Variants in MTSS1 observed in about 807,000 individuals in gnomAD.
MTSS1 encodes the protein MTSS I-BAR domain containing 1.
In MTSS1, 18 loss-of-function variants were observed where a neutral mutation model predicts 79.0. That is an observed-to-expected ratio of 0.23 (90% CI 0.16 to 0.34). The LOEUF (loss-of-function observed/expected upper bound fraction) is 0.34. Among genes scored for constraint, MTSS1 ranks in the 10% least tolerant of loss-of-function variants. The pLI, the probability that MTSS1 is intolerant of heterozygous loss-of-function variation, is 1.00. For missense variants in MTSS1, 815 were observed against 986.2 expected, an observed-to-expected ratio of 0.83 and a Z score of 2.33; for synonymous variants, 341 against 368.6, an observed-to-expected ratio of 0.93 and a Z score of 0.86.
rs547519486 is a variant in MTSS1 at position 124,667,943 on chromosome 8, T to C, written c.208+31583A>G. ...AAAAAATTAGCCAGACATGGTGGTG[T>C]GGGCCTGTAGTCCCAGCTACTAGGG... On this transcript the variant is annotated intron_variant, in intron 3 of 13. Coordinates refer to ENST00000518547, the MANE Select transcript of MTSS1 (RefSeq NM_014751.6). Among the ~76,000 whole-genome samples, 488 of 152,092 alleles carry C rather than the reference T, an allele frequency of 3.2e-3. 5 individuals are homozygous for C. The highest frequency in any genetic ancestry group is 0.011 in the African/African-American group (461 of 41,484).
chr8:124,602,629 G>A lies in MTSS1; in HGVS notation c.209-11394C>T, dbSNP rs562328736. Reference sequence around the variant, plus strand: ...GGCAAAACCCAAAAGGCTAGTAGGTGGACAACTATAACCCAGACCAACAAA... The same window carrying A: ...GGCAAAACCCAAAAGGCTAGTAGGTAGACAACTATAACCCAGACCAACAAA... On this transcript the variant is annotated intron_variant, in intron 3 of 13. Transcript: ENST00000518547. 3.0e-4 allele frequency among the ~76,000 whole-genome samples: 45 copies of A among 152,260 alleles called. No individual in the cohort carries two copies. The South Asian group carries it at 9.1e-3, about 31-fold the overall frequency.
rs77188550 is a variant in MTSS1 at position 124,588,515 on chromosome 8, C to G, written c.385+1105G>C. On this transcript the variant is annotated intron_variant, in intron 5 of 13. Coordinates refer to ENST00000518547, the MANE Select transcript of MTSS1 (RefSeq NM_014751.6). ...TTTGCTGTGCAGATTACACTTAGTT[C>G]CTCTCATACCATCAAGGTCCCTGAC... is the stretch of plus-strand genomic sequence containing the variant. Among the ~76,000 whole-genome samples, 53 of 152,286 alleles carry G rather than the reference C, an allele frequency of 3.5e-4. 1 individual carries two copies. The East Asian group carries it at 6.8e-3, about 19-fold the overall frequency.
intron 1 of MTSS1, among the ~76,000 whole-genome samples, chr8:124,715,410 C>A (rs946374342): frequency 2.6e-5 from 4 of 151,480 alleles, no homozygotes; most frequent in Admixed American, 2.0e-4. Flanking sequence ...AATCCATATT[C>A]CCTTTTAAAC....
At position 124,551,947 on chromosome 8, in the gene MTSS1, G is replaced by C; in HGVS notation, c.*1045C>G. ...CAAGCTGGCTACCCTTGTCAAATCT[G>C]TTCGAGTTTTTTCAAAATACTTGGG... On this transcript the variant is annotated 3_prime_UTR_variant, in exon 14 of 14. Transcript: ENST00000518547. 6.6e-6 allele frequency: 1 copy of C among 152,654 alleles called. No individual in the cohort carries two copies. The highest frequency in any genetic ancestry group is 1.9e-4 in the East Asian group (1 of 5,198). The allele number at this position is 152,654 out of a possible 1,614,324, so 9.5% of individuals were successfully genotyped here. A position where few individuals can be genotyped will look rare whatever the true frequency, so the allele number is the denominator to read the frequency against.
chr8:124,595,023 C>T (rs1306753978), intron 3 of MTSS1, among the ~76,000 whole-genome samples: 1 of 152,160 alleles, frequency 6.6e-6, no homozygotes, highest in Non-Finnish European at 1.5e-5. Flanking sequence ...CAAGGCCCTA[C>T]TTCTGTGTTC....
rs1195462942 is a variant in MTSS1, at chr8:124,564,924, A to C, written c.824+738T>G. On this transcript the variant is annotated intron_variant, in intron 9 of 13. Coordinates refer to ENST00000518547, the MANE Select transcript of MTSS1 (RefSeq NM_014751.6). ...CTACTCTCAGTGCTAATACACAGGA[A>C]GTGGAAACTCATTTGGCTTTGAAAG... The C allele has an allele frequency of 2.0e-5, 3 of 152,280 alleles. No individual in the cohort carries two copies. The East Asian group carries it at 5.8e-4, about 29-fold the overall frequency. The allele number at this position is 152,280 out of a possible 1,614,324, so 9.4% of individuals were successfully genotyped here.
intron 3 of MTSS1, among the ~76,000 whole-genome samples, chr8:124,610,923 C>T (rs960470402): frequency 1.3e-5 from 2 of 152,198 alleles, no homozygotes; most frequent in African/African-American, 2.4e-5. Context: ...CCATTCAATG[C>T]CACCTGGAAA....
chr8:124,663,206 C>T (rs917771931), intron 3 of MTSS1, among the ~76,000 whole-genome samples: 3 of 152,162 alleles, frequency 2.0e-5, no homozygotes, highest in Non-Finnish European at 2.9e-5. Flanking sequence ...CACTCCCTTT[C>T]GGGCTGTAAG....
intron 3 of MTSS1, among the ~76,000 whole-genome samples, chr8:124,606,412 G>T (rs1834892638): frequency 1.3e-5 from 2 of 151,980 alleles, no homozygotes. Context: ...GCCTCCCAAA[G>T]TGCCGGGACT....
intron 10 of MTSS1, 126 bp from the exon 11 acceptor site, chr8:124,558,001 C>T: frequency 1.4e-6 from 1 of 730,946 alleles, no homozygotes; most frequent in South Asian, 2.0e-5. Context: ...ATAAAACAAA[C>T]ATTGGGGCTC....
chr8:124,636,123 G>A (rs1816941016), intron 3 of MTSS1, among the ~76,000 whole-genome samples: 1 of 152,076 alleles, frequency 6.6e-6, no homozygotes, highest in Non-Finnish European at 1.5e-5. Flanking sequence ...TGGAACCTCA[G>A]CTACTAACTT....
At chr8:124,651,501 A>G (rs1313575337) in intron 3 of MTSS1, among the ~76,000 whole-genome samples, 1 of 151,936 alleles carries the variant, frequency 6.6e-6, no homozygotes, top group East Asian at 1.9e-4. Context: ...AGTTAGAAAC[A>G]TGTTACATTC....
At chr8:124,723,598 A>G (rs1470166700) in intron 1 of MTSS1, among the ~76,000 whole-genome samples, 2 of 152,250 alleles carry the variant, frequency 1.3e-5, no homozygotes, top group African/African-American at 2.4e-5. Flanking sequence ...AAAACCAAAA[A>G]GATGACTCTA....
intron 3 of MTSS1, among the ~76,000 whole-genome samples, chr8:124,627,084 C>A (rs372136926): frequency 2.4e-4 from 37 of 152,032 alleles, no homozygotes; most frequent in Non-Finnish European, 1.0e-4. Flanking sequence ...AAGTTTGCAC[C>A]GAGAAAAGCT....
intron 1 of MTSS1, among the ~76,000 whole-genome samples, chr8:124,723,156 A>T (rs1033445587): frequency 1.3e-5 from 2 of 152,230 alleles, no homozygotes; most frequent in African/African-American, 4.8e-5. Flanking sequence ...CATAGCACAC[A>T]GGGAACAAAC....
At chr8:124,700,021 C>T (rs1021166247) in intron 2 of MTSS1, among the ~76,000 whole-genome samples, 2 of 152,056 alleles carry the variant, frequency 1.3e-5, no homozygotes, top group African/African-American at 4.8e-5. Flanking sequence ...CACCTATAAT[C>T]CCAGCTACTT....
At chr8:124,594,100 T>C (rs1057254705) in intron 3 of MTSS1, among the ~76,000 whole-genome samples, 1 of 152,198 alleles carries the variant, frequency 6.6e-6, no homozygotes, top group Admixed American at 6.5e-5. Context: ...AGAATTATGA[T>C]GTTGGAAAAG....
At chr8:124,622,094 G>GAGAGAGAGAGAGAGAGAA (rs1554678118) in intron 3 of MTSS1, among the ~76,000 whole-genome samples, 4 of 150,182 alleles carry the variant, frequency 2.7e-5, no homozygotes, top group African/African-American at 9.8e-5. Context: ...GAGAGAGAGA[G>GAGAGAGAGAGAGAGAGAA]AGAATATGAA....
chr8:124,670,374 C>A (rs113508816), intron 3 of MTSS1, among the ~76,000 whole-genome samples: 1 of 110,330 alleles, frequency 9.1e-6, no homozygotes, highest in Non-Finnish European at 1.7e-5. Flanking sequence ...CTCAGGCGGG[C>A]GGCACCCCAC....
Sources: allele counts gnomAD v4.1 joint callset (sites outside exome capture counted in the v4.1 genomes callset), GRCh38; gene constraint gnomAD v4.1.1; transcripts MANE v1.5; gene names NCBI Gene and HGNC (gene_info 2026-07-23, HGNC 2026-07-21).